Variants in CMSS1 observed in about 807,000 individuals in gnomAD.
CMSS1 encodes the protein cms1 ribosomal small subunit homolog.
A neutral mutation model predicts 43.5 loss-of-function variants in CMSS1; 33 were observed. That is an observed-to-expected ratio of 0.76 (90% CI 0.57 to 1.01). The LOEUF is 1.01. Ranked by LOEUF, CMSS1 falls within the 50% of genes least tolerant of loss-of-function variation. The pLI, the probability that CMSS1 is intolerant of heterozygous loss-of-function variation, is 0.00. For missense variants in CMSS1, 313 were observed against 326.4 expected (o/e 0.96, Z 0.32); for synonymous variants, 115 against 117.2 (o/e 0.98, Z 0.12).
At position 100,098,729 on chromosome 3, in the gene CMSS1, G is replaced by A. The variant is rs74566331; in HGVS notation, c.65-48244G>A. 4.4e-3 allele frequency among the ~76,000 whole-genome samples: 671 copies of A among 152,254 alleles called. 4 individuals are homozygous for A. The highest frequency in any genetic ancestry group is 6.5e-3 in the Non-Finnish European group (444 of 68,014). On this transcript the variant is annotated intron_variant, in intron 1 of 9. Coordinates refer to ENST00000421999, the MANE Select transcript of CMSS1 (RefSeq NM_032359.4). ...CTGAAGAATGTTGAATGTCATTGCC[G>A]TATACAGAGGTGGAAACTCACCATG...
chr3:99,857,631 G>A lies in CMSS1; in HGVS notation c.64+39588G>A, dbSNP rs552762140. Among the ~76,000 whole-genome samples, 658 of 152,314 alleles carry A rather than the reference G, an allele frequency of 4.3e-3. 2 individuals are homozygous for A. Among genetic ancestry groups the A allele is most frequent in the Non-Finnish European group, 7.2e-3 (489 of 68,024 alleles). ...AATTATGTTTCTGTTTTCACAGATT[G>A]TTTTGCAGTTTTTCAGATGCTTGGT... On this transcript the variant is annotated intron_variant, in intron 1 of 9. Coordinates refer to ENST00000421999, the MANE Select transcript of CMSS1 (RefSeq NM_032359.4).
At chr3:100,113,051 C>T (rs920617727) in intron 1 of CMSS1, among the ~76,000 whole-genome samples, 3 of 152,178 alleles carry the variant, frequency 2.0e-5, no homozygotes, top group African/African-American at 7.2e-5. Flanking sequence ...CTAATACACA[C>T]GTGGAATATG....
chr3:100,046,530 A>G (rs2065281685), intron 1 of CMSS1, among the ~76,000 whole-genome samples: 1 of 151,600 alleles, frequency 6.6e-6, no homozygotes, highest in Non-Finnish European at 1.5e-5. Flanking sequence ...GAATTCCCCA[A>G]CTCCCCCCAG....
At chr3:100,126,469 G>A (rs1446058571) in intron 1 of CMSS1, among the ~76,000 whole-genome samples, 2 of 152,088 alleles carry the variant, frequency 1.3e-5, no homozygotes, top group East Asian at 3.9e-4. Flanking sequence ...TTTTTCACAT[G>A]GGTTCCTACA....
chr3:100,158,401 T>A (rs1286619273), intron 2 of CMSS1, among the ~76,000 whole-genome samples: 4 of 152,230 alleles, frequency 2.6e-5, no homozygotes, highest in Admixed American at 1.3e-4. Context: ...AAATGCTTAG[T>A]GGCTTGGCCG....
At chr3:99,979,884 A>AAGAG (rs1248623245) in intron 1 of CMSS1, among the ~76,000 whole-genome samples, 1 of 150,754 alleles carries the variant, frequency 6.6e-6, no homozygotes, top group Non-Finnish European at 1.5e-5. Context: ...ATTGTCTTAA[A>AAGAG]AGAGAGAGAG....
rs1015998996 is a variant in CMSS1 at position 100,034,218 on chromosome 3, C to T, written c.65-112755C>T. Among the ~76,000 whole-genome samples, 5 of 152,218 alleles carry T rather than the reference C, an allele frequency of 3.3e-5. No individual in the cohort carries two copies. In the South Asian group the frequency reaches 6.2e-4, roughly 19 times the overall value. On this transcript the variant is annotated intron_variant, in intron 1 of 9. Coordinates refer to ENST00000421999, the MANE Select transcript of CMSS1 (RefSeq NM_032359.4). ...CACAAGACTGGTTTTTCTAGACTGT[C>T]TCAAAAGTATATCCAGGAACTCAGA...
At chr3:100,146,839 A>C in intron 1 of CMSS1, 134 bp from the exon 2 acceptor site, 2 of 1,146,964 alleles carry the variant, frequency 1.7e-6, no homozygotes, top group Non-Finnish European at 2.4e-6. Flanking sequence ...ACTTTGGACC[A>C]TTTCCTTAAG....
At chr3:100,103,010 G>GA (rs2066335368) in intron 1 of CMSS1, among the ~76,000 whole-genome samples, 1 of 152,162 alleles carries the variant, frequency 6.6e-6, no homozygotes, top group African/African-American at 2.4e-5. Flanking sequence ...GCCAGTGGAG[G>GA]AAAAAAGTGT....
At chr3:99,981,387 A>G (rs1709118859) in intron 1 of CMSS1, among the ~76,000 whole-genome samples, 1 of 152,106 alleles carries the variant, frequency 6.6e-6, no homozygotes, top group African/African-American at 2.4e-5. Context: ...TGTGGGATCC[A>G]TGTGTGTCAC....
At chr3:100,060,016 G>T (rs1281327268) in intron 1 of CMSS1, among the ~76,000 whole-genome samples, 2 of 150,944 alleles carry the variant, frequency 1.3e-5, no homozygotes, top group African/African-American at 4.9e-5. Context: ...GGCACAGGCA[G>T]TTTTCCTGCT....
intron 1 of CMSS1, among the ~76,000 whole-genome samples, chr3:100,117,194 CTA>C (rs1225348887): frequency 6.6e-6 from 1 of 152,052 alleles, no homozygotes; most frequent in Non-Finnish European, 1.5e-5. Context: ...ATTATAGTTG[CTA>C]TTTATTATGT....
At chr3:99,954,199 A>C (rs1336023386) in intron 1 of CMSS1, among the ~76,000 whole-genome samples, 2 of 152,232 alleles carry the variant, frequency 1.3e-5, no homozygotes, top group Non-Finnish European at 2.9e-5. Context: ...CAGGAAGCTG[A>C]AGTCCATGCC....
chr3:100,010,778 A>ATTTTTTTTT (rs11371196), intron 1 of CMSS1, among the ~76,000 whole-genome samples: 304 of 93,576 alleles, frequency 3.2e-3, no homozygotes, highest in Non-Finnish European at 3.9e-3. Context: ...CCACGCCCGG[A>ATTTTTTTTT]TTTTTTTTTT....
intron 1 of CMSS1, among the ~76,000 whole-genome samples, chr3:99,852,799 T>A (rs948900404): frequency 6.6e-6 from 1 of 152,222 alleles, no homozygotes; most frequent in African/African-American, 2.4e-5. Flanking sequence ...AATTGAGTCC[T>A]TCTTTTTGAG....
intron 1 of CMSS1, among the ~76,000 whole-genome samples, chr3:100,030,315 A>C (rs968991953): frequency 1.3e-5 from 2 of 152,196 alleles, no homozygotes; most frequent in African/African-American, 4.8e-5. Flanking sequence ...GTCAGTGATC[A>C]GGCCAAAACT....
intron 1 of CMSS1, among the ~76,000 whole-genome samples, chr3:100,014,529 A>G (rs1033155953): frequency 3.3e-5 from 5 of 152,188 alleles, no homozygotes; most frequent in Non-Finnish European, 7.3e-5. Context: ...GATAATAACC[A>G]TTCTAACAGA....
At chr3:99,931,431 C>G (rs1436113777) in intron 1 of CMSS1, among the ~76,000 whole-genome samples, 3 of 152,272 alleles carry the variant, frequency 2.0e-5, no homozygotes, top group African/African-American at 7.2e-5. Flanking sequence ...TTCTAACTTT[C>G]TTCAGATTTA....
At chr3:100,176,027 A>G (rs1442657997) in intron 8 of CMSS1, among the ~76,000 whole-genome samples, 1 of 152,200 alleles carries the variant, frequency 6.6e-6, no homozygotes, top group Admixed American at 6.5e-5. Flanking sequence ...CAGGAATGAG[A>G]CTATAGCCTC....
Sources: allele counts gnomAD v4.1 joint callset (sites outside exome capture counted in the v4.1 genomes callset), GRCh38; gene constraint gnomAD v4.1.1; transcripts MANE v1.5; gene names NCBI Gene and HGNC (gene_info 2026-07-23, HGNC 2026-07-21).